Variants in ARHGAP44 observed in about 807,000 individuals in gnomAD.
ARHGAP44 encodes rho GTPase-activating protein 44.
A neutral mutation model predicts 106.8 loss-of-function variants in ARHGAP44; 43 were observed. The observed-to-expected ratio is 0.40, with a 90% CI of 0.32 to 0.52. ARHGAP44 has a LOEUF of 0.52. Ranked by LOEUF, ARHGAP44 falls within the 20% of genes least tolerant of loss-of-function variation. The probability of loss-of-function intolerance (pLI) is 0.48; values close to 1 mark genes in which losing one functional copy is unlikely to be tolerated. For synonymous variants in ARHGAP44, 439 were observed against 410.3 expected (o/e 1.07, Z -0.85); for missense variants, 866 against 1,050.5 (o/e 0.82, Z 2.43).
intron 10 of ARHGAP44, among the ~76,000 whole-genome samples, chr17:12,948,751 C>CACACA (rs200024961): frequency 1.4e-5 from 2 of 147,754 alleles, no homozygotes; most frequent in Non-Finnish European, 3.0e-5. Flanking sequence ...CACACACACA[C>CACACA]CCCCTGTAGA....
intron 7 of ARHGAP44, among the ~76,000 whole-genome samples, chr17:12,937,723 G>A (rs1048885986): frequency 2.0e-5 from 3 of 149,482 alleles, no homozygotes; most frequent in East Asian, 1.9e-4. Context: ...AAAAATCAAG[G>A]TGTGATTTTC....
chr17:12,926,843 G>A (rs1451764575), intron 6 of ARHGAP44, among the ~76,000 whole-genome samples: 1 of 151,658 alleles, frequency 6.6e-6, no homozygotes, highest in Admixed American at 6.6e-5. Flanking sequence ...TTTTCTTCAG[G>A]TAGCATGAGT....
intron 1 of ARHGAP44, among the ~76,000 whole-genome samples, chr17:12,861,186 C>T (rs540503826): frequency 2.6e-5 from 4 of 151,986 alleles, no homozygotes; most frequent in East Asian, 3.9e-4. Context: ...GGTGGAGTTC[C>T]GCCATGTTGG....
chr17:12,905,981 T>C (rs1360094836), intron 3 of ARHGAP44, among the ~76,000 whole-genome samples: 1 of 152,190 alleles, frequency 6.6e-6, no homozygotes, highest in East Asian at 1.9e-4. Context: ...TAATTCTTTG[T>C]TGGAGGAGAC....
intron 1 of ARHGAP44, among the ~76,000 whole-genome samples, chr17:12,825,204 AT>A (rs1455299493): frequency 6.6e-6 from 1 of 151,552 alleles, no homozygotes; most frequent in Admixed American, 6.6e-5. Context: ...GCCCAGCTAA[AT>A]TTTGTATTAT....
In ARHGAP44 at chr17:12,990,096, C is replaced by T; in HGVS notation, c.2382C>T (p.Pro794=). ...TCGGGTCGACGCTCCGCCTGAGTCC[C>T]CTGGAGCACATGCGGCGACACTCAG... ...IELGSTLRLS[P]LEHMRRHSVT... Residue 794 remains proline (P), a synonymous_variant, in exon 21 of 21, where the codon CCC becomes CCT. Coordinates refer to ENST00000379672, the MANE Select transcript of ARHGAP44 (RefSeq NM_014859.6). The T allele has an allele frequency of 6.2e-7, 1 of 1,613,372 alleles. No individual in the cohort carries two copies. The highest frequency in any genetic ancestry group is 1.1e-5 in the South Asian group (1 of 91,066).
chr17:12,904,345 A>G (rs1598029161), intron 3 of ARHGAP44, among the ~76,000 whole-genome samples: 2 of 152,230 alleles, frequency 1.3e-5, no homozygotes, highest in East Asian at 1.9e-4. Context: ...TGACCTCATG[A>G]TCTGCCCACG....
rs767687575 is a variant in ARHGAP44, at chr17:12,817,283, A to T, written c.53+27392A>T. ...TAATGATTGGAGGGAATGTAATAGC[A>T]TTAAATGCTTAATTAGAAAAGAGGA... On this transcript the variant is annotated intron_variant, in intron 1 of 20. Transcript: ENST00000379672. Among the ~76,000 whole-genome samples, 3 of 152,234 alleles carry T rather than the reference A, an allele frequency of 2.0e-5. No homozygotes were observed. The South Asian group carries it at 6.2e-4, about 32-fold the overall frequency.
At chr17:12,891,859 A>T (rs146139633) in intron 1 of ARHGAP44, among the ~76,000 whole-genome samples, 4,447 of 149,352 alleles carry the variant, frequency 0.03, 109 homozygotes, top group Non-Finnish European at 0.045. Context: ...CAGTGGCATG[A>T]TGTCGGCTCA....
intron 6 of ARHGAP44, among the ~76,000 whole-genome samples, chr17:12,920,337 C>A (rs2038041830): frequency 8.0e-6 from 1 of 124,450 alleles, no homozygotes; most frequent in African/African-American, 3.8e-5. Context: ...GATCATGCCA[C>A]TGCATTCCAG....
chr17:12,848,980 G>T (rs1597934388), intron 1 of ARHGAP44, among the ~76,000 whole-genome samples: 3 of 151,934 alleles, frequency 2.0e-5, no homozygotes, highest in African/African-American at 7.2e-5. Flanking sequence ...CTTGGGAGGT[G>T]GAGGTTGCAG....
At chr17:12,940,926 A>G (rs1225065643) in intron 7 of ARHGAP44, 130 bp from the exon 8 acceptor site, 2 of 692,640 alleles carry the variant, frequency 2.9e-6, no homozygotes, top group South Asian at 2.4e-5. Context: ...GAAAGTTTGT[A>G]TCATATCAAG....
intron 1 of ARHGAP44, among the ~76,000 whole-genome samples, chr17:12,852,013 T>G (rs575817157): frequency 6.6e-6 from 1 of 151,214 alleles, no homozygotes; most frequent in Non-Finnish European, 1.5e-5. Flanking sequence ...GGTTTAGGAA[T>G]GAATTGAGCT....
chr17:12,837,714 T>TTTCTG (rs531450337), intron 1 of ARHGAP44, among the ~76,000 whole-genome samples: 236 of 151,942 alleles, frequency 1.6e-3, no homozygotes, highest in Non-Finnish European at 2.5e-3. Flanking sequence ...GGGAGATACA[T>TTTCTG]GGAGAAGTGT....
At position 12,956,730 on chromosome 17, in the gene ARHGAP44, C is replaced by T. The variant is rs2039135367; in HGVS notation, c.1326C>T (p.Asp442=). 1.9e-6 allele frequency: 3 copies of T among 1,614,138 alleles called. No homozygotes were observed. Among genetic ancestry groups the T allele is most frequent in the Non-Finnish European group, 2.5e-6 (3 of 1,180,018 alleles). ...GIIEPIIQHA[D]WFFPGEIEFN... is the part of the protein sequence containing the mutation. ...TTGAACCTATCATCCAGCATGCAGA[C>T]TGGTTCTTCCCTGGGGGTAGGTGAC... The change falls in exon 15 of 21, where the codon GAC becomes GAT. Residue 442 remains aspartate (D), a synonymous_variant. Transcript: ENST00000379672.
At chr17:12,835,198 A>C (rs78322265) in intron 1 of ARHGAP44, among the ~76,000 whole-genome samples, 11,335 of 152,210 alleles carry the variant, frequency 0.074, 545 homozygotes, top group African/African-American at 0.14. Context: ...AAGGTTTTCA[A>C]CTAAGGTGTA....
rs1555553594 is a variant in ARHGAP44 at position 12,903,119 on chromosome 17, A to AGAG, written c.199-5777_199-5775dup. Among the ~76,000 whole-genome samples the AGAG allele has an allele frequency of 6.5e-4, 53 of 81,338 alleles. 1 individual carries two copies. The highest frequency in any genetic ancestry group is 6.0e-3 in the Middle Eastern group (1 of 166). The allele number at this position is 81,338 out of a possible 152,430, so 53.4% of individuals were successfully genotyped here. On this transcript the variant is annotated intron_variant, in intron 3 of 20. Coordinates refer to ENST00000379672, the MANE Select transcript of ARHGAP44 (RefSeq NM_014859.6). ...GAGAGAGAGAGAGAGAGAGAGAGAG[A>AGAG]GAGAGAGGAGAGAGAGAGAGAGTGT...
intron 1 of ARHGAP44, among the ~76,000 whole-genome samples, chr17:12,806,880 A>T (rs1281800248): frequency 6.6e-6 from 1 of 152,278 alleles, no homozygotes; most frequent in East Asian, 1.9e-4. Flanking sequence ...GGCTCTGTTG[A>T]TAGGGGGTAA....
intron 20 of ARHGAP44, 105 bp from the exon 21 acceptor site, chr17:12,989,927 A>ATAGC: frequency 6.7e-7 from 1 of 1,487,048 alleles, no homozygotes. Context: ...TATCCCTAGA[A>ATAGC]TAGCAGCACC....
Sources: gnomAD v4.1 joint callset for allele counts (sites outside exome capture counted in the v4.1 genomes callset) on GRCh38, gnomAD v4.1.1 for gene constraint, MANE v1.5 for transcripts, NCBI Gene and HGNC (gene_info 2026-07-23, HGNC 2026-07-21) for gene names.